FAF1: variants seen among roughly 807,000 people sequenced by gnomAD.
The protein encoded by FAF1 is FAS-associated factor 1.
A neutral mutation model predicts 92.5 loss-of-function variants in FAF1; 25 were observed. That is an observed-to-expected ratio of 0.27 (90% CI 0.20 to 0.38). The LOEUF (loss-of-function observed/expected upper bound fraction) is 0.38, where lower values mean the gene tolerates loss of function less well. FAF1 is among the 10% of genes least tolerant of loss of function. FAF1 has a pLI of 1.00. For missense variants in FAF1, 636 were observed against 793.3 expected (o/e 0.80, Z 2.38); for synonymous variants, 234 against 273.2 (o/e 0.86, Z 1.42).
At chr1:50,805,562 T>C (rs925590179) in intron 2 of FAF1, among the ~76,000 whole-genome samples, 2 of 152,184 alleles carry the variant, frequency 1.3e-5, no homozygotes, top group African/African-American at 4.8e-5. Flanking sequence ...ATAAATCTCA[T>C]TGTAACATCA....
At chr1:50,581,635 AG>A (rs1650989605) in intron 12 of FAF1, among the ~76,000 whole-genome samples, 1 of 152,058 alleles carries the variant, frequency 6.6e-6, no homozygotes, top group Admixed American at 6.5e-5. Context: ...AGATAAGCAG[AG>A]GGTTTTTCAC....
chr1:50,472,170 G>T (rs896384230), intron 18 of FAF1, among the ~76,000 whole-genome samples: 3 of 151,928 alleles, frequency 2.0e-5, no homozygotes, highest in Non-Finnish European at 4.4e-5. Context: ...GACAGGAGTT[G>T]GCCTATAGGA....
chr1:50,751,150 TA>T (rs201412517), intron 4 of FAF1, among the ~76,000 whole-genome samples: 45,189 of 140,944 alleles, frequency 0.32, 7,458 homozygotes, highest in Middle Eastern at 0.47. Context: ...CATTTCATGT[TA>T]AAAAAAAAAA....
intron 1 of FAF1, among the ~76,000 whole-genome samples, chr1:50,951,723 G>C (rs1645215636): frequency 6.6e-6 from 1 of 152,180 alleles, no homozygotes; most frequent in South Asian, 2.1e-4. Flanking sequence ...GGAAAGAAAG[G>C]ACAGGTAACA....
Position 50,576,951 on chromosome 1 carries a change from G to A in FAF1, c.1113+5667C>T, listed in dbSNP as rs907610093. 4.0e-5 allele frequency among the ~76,000 whole-genome samples: 6 copies of A among 151,568 alleles called. No individual in the cohort carries two copies. The East Asian group carries it at 1.2e-3, about 29-fold the overall frequency. The stretch of plus-strand genomic sequence containing the variant: ...CGAAGTGTTGGGATTACAGGTGTAA[G>A]TCACCATGCCCAGCCTAAAAACAGA... On this transcript the variant is annotated intron_variant, in intron 12 of 18. Coordinates refer to ENST00000396153, the MANE Select transcript of FAF1 (RefSeq NM_007051.3).
intron 8 of FAF1, among the ~76,000 whole-genome samples, chr1:50,615,820 AAT>A (rs1383859326): frequency 6.6e-6 from 1 of 151,980 alleles, no homozygotes; most frequent in Non-Finnish European, 1.5e-5. Context: ...TTACTCCGTC[AAT>A]AGTTTATTTT....
At chr1:50,481,025 A>G (rs895820690) in intron 17 of FAF1, among the ~76,000 whole-genome samples, 2 of 152,184 alleles carry the variant, frequency 1.3e-5, no homozygotes, top group African/African-American at 2.4e-5. Context: ...AAAAAGAAGG[A>G]AAAATTTTTA....
intron 8 of FAF1, among the ~76,000 whole-genome samples, chr1:50,608,739 T>C (rs982135411): frequency 2.6e-5 from 4 of 152,218 alleles, no homozygotes; most frequent in Non-Finnish European, 4.4e-5. Flanking sequence ...GGTAGGTAGA[T>C]GTCACTATAC....
intron 14 of FAF1, among the ~76,000 whole-genome samples, chr1:50,537,423 T>C (rs1648543833): frequency 6.6e-6 from 1 of 152,186 alleles, no homozygotes; most frequent in African/African-American, 2.4e-5. Flanking sequence ...TCTTTATAGT[T>C]GATTGCAGCA....
At chr1:50,774,489 A>C (rs1660883430) in intron 4 of FAF1, among the ~76,000 whole-genome samples, 2 of 152,196 alleles carry the variant, frequency 1.3e-5, no homozygotes, top group African/African-American at 2.4e-5. Flanking sequence ...TAAATGTTTT[A>C]AATCTTTCCA....
At chr1:50,622,017 T>C (rs1653235833) in intron 8 of FAF1, among the ~76,000 whole-genome samples, 1 of 151,698 alleles carries the variant, frequency 6.6e-6, no homozygotes, top group African/African-American at 2.4e-5. Context: ...AATACAAAAA[T>C]TAGCCGGGCA....
rs572640160 is a variant in FAF1, at chr1:50,691,427, G to A, written c.657+14359C>T. Among the ~76,000 whole-genome samples the A allele has an allele frequency of 3.9e-5, 6 of 152,016 alleles. No individual in the cohort carries two copies. In the East Asian group the frequency reaches 7.8e-4, roughly 20 times the overall value. On this transcript the variant is annotated intron_variant, in intron 7 of 18. Coordinates refer to ENST00000396153, the MANE Select transcript of FAF1 (RefSeq NM_007051.3). ...CCACTTCACTTTTGTGTTATTAGTA[G>A]AGATGGGTTTCACCATGTTGCCCAG...
intron 3 of FAF1, among the ~76,000 whole-genome samples, chr1:50,799,537 A>G (rs1273278653): frequency 6.6e-6 from 1 of 152,110 alleles, no homozygotes; most frequent in African/African-American, 2.4e-5. Context: ...TAGATTGCAG[A>G]TAATTAGTAC....
chr1:50,677,431 CT>C (rs1656171307), intron 7 of FAF1, among the ~76,000 whole-genome samples: 1 of 152,078 alleles, frequency 6.6e-6, no homozygotes, highest in East Asian at 1.9e-4. Flanking sequence ...TAAAGATGAG[CT>C]CTTATGTTTT....
chr1:50,483,463 T>C (rs903023728), intron 17 of FAF1, among the ~76,000 whole-genome samples: 2 of 152,204 alleles, frequency 1.3e-5, no homozygotes, highest in Non-Finnish European at 2.9e-5. Context: ...TCCAGTTCTA[T>C]TGCTTTTTCA....
intron 2 of FAF1, among the ~76,000 whole-genome samples, chr1:50,855,699 A>G (rs185975087): frequency 2.0e-5 from 3 of 151,984 alleles, no homozygotes; most frequent in East Asian, 3.9e-4. Flanking sequence ...AAACAGGATA[A>G]ATGATAAAAT....
At chr1:50,447,211 C>G (rs535569841) in intron 18 of FAF1, among the ~76,000 whole-genome samples, 1 of 149,484 alleles carries the variant, frequency 6.7e-6, no homozygotes, top group South Asian at 2.1e-4. Context: ...CTGCAAGCTC[C>G]GCCTCCCGGG....
intron 1 of FAF1, among the ~76,000 whole-genome samples, chr1:50,898,069 C>T (rs565335257): frequency 6.6e-6 from 1 of 152,270 alleles, no homozygotes; most frequent in African/African-American, 2.4e-5. Context: ...TTGTTTTCAG[C>T]CACTTTACTA....
At position 50,475,672 on chromosome 1, in the gene FAF1, C is replaced by T. The variant is rs762842789; in HGVS notation, c.1661G>A (p.Arg554Gln). 6 of 1,612,994 alleles carry T rather than the reference C, an allele frequency of 3.7e-6. No individual in the cohort carries two copies. Among genetic ancestry groups the T allele is most frequent in the Admixed American group, 1.7e-5 (1 of 59,952 alleles). The change falls in exon 18 of 19, where the codon CGG (arginine) becomes CAG (glutamine). Residue 554 changes from arginine (R) to glutamine (Q), a missense_variant. Physicochemically the swap from Arg to Gln is conservative, Grantham distance 43. Around this residue, in one of 2 missense-constraint regions of FAF1, gnomAD observed 319 missense variants for 451.0 expected, o/e 0.71. Coordinates refer to ENST00000396153, the MANE Select transcript of FAF1 (RefSeq NM_007051.3). The stretch of plus-strand genomic sequence containing the variant: ...AGGCAGGGCTTGCTCTAAGGACAGC[C>T]GGATGGCCTAGGGAGAGCAAAAACC... ...KEQEEEREAIRLSLEQALPPE... is the reference protein window; with the variant it reads ...KEQEEEREAIQLSLEQALPPE...
Sources: gnomAD v4.1 joint callset for allele counts (sites outside exome capture counted in the v4.1 genomes callset) on GRCh38, gnomAD v4.1.1 for gene constraint, gnomAD v4.1.1 regional missense constraint, MANE v1.5 for transcripts, NCBI Gene and HGNC (gene_info 2026-07-23, HGNC 2026-07-21) for gene names.